Variants in TMEM131 observed in about 807,000 individuals in gnomAD.
TMEM131 encodes transmembrane protein 131.
TMEM131 carries 66 observed loss-of-function variants against 211.6 expected under a neutral mutation model. That is an observed-to-expected ratio of 0.31 (90% confidence interval 0.26 to 0.38). The LOEUF (loss-of-function observed/expected upper bound fraction) is 0.38. Ranked by LOEUF, TMEM131 falls within the 10% of genes least tolerant of loss-of-function variation. The probability of loss-of-function intolerance (pLI) is 1.00; values close to 1 mark genes in which losing one functional copy is unlikely to be tolerated. For synonymous variants in TMEM131, 844 were observed against 841.3 expected (o/e 1.00, Z -0.06); for missense variants, 2,036 against 2,299.3 (o/e 0.89, Z 2.34).
chr2:97,969,629 G>A (rs1305981414), intron 1 of TMEM131, among the ~76,000 whole-genome samples: 2 of 151,516 alleles, frequency 1.3e-5, no homozygotes, highest in African/African-American at 4.9e-5. Context: ...TCTGCTATGA[G>A]TCAAAAACAT....
intron 2 of TMEM131, among the ~76,000 whole-genome samples, chr2:97,915,745 A>C (rs1041123320): frequency 6.6e-6 from 1 of 152,118 alleles, no homozygotes; most frequent in East Asian, 1.9e-4. Context: ...TGTAAGCTGA[A>C]GCTTTCCTCT....
At chr2:97,767,860 A>G (rs549993561) in intron 33 of TMEM131, among the ~76,000 whole-genome samples, 53 of 152,158 alleles carry the variant, frequency 3.5e-4, no homozygotes, top group Non-Finnish European at 7.5e-4. Flanking sequence ...AGTACATTTC[A>G]GCTAGGTTCT....
chr2:97,756,576 C>T lies in TMEM131; in HGVS notation c.*523G>A, dbSNP rs1044659924. 2.6e-5 allele frequency: 4 copies of T among 152,250 alleles called. No individual in the cohort carries two copies. The highest frequency in any genetic ancestry group is 5.9e-5 in the Non-Finnish European group (4 of 68,096). 9.4% of individuals were successfully genotyped at this position (152,250 alleles called of 1,614,324 possible). A position where few individuals can be genotyped will look rare whatever the true frequency, so the allele number is the denominator to read the frequency against. On this transcript the variant is annotated 3_prime_UTR_variant, in exon 41 of 41. Coordinates refer to ENST00000186436, the MANE Select transcript of TMEM131 (RefSeq NM_015348.2). Reference sequence around the variant, plus strand: ...AGTTGACTTACATTTCTGTAATCTGCTTTTAAACCAAGACAGCCTTACTTT... The same window carrying T: ...AGTTGACTTACATTTCTGTAATCTGTTTTTAAACCAAGACAGCCTTACTTT...
chr2:97,876,229 G>A (rs908839199), intron 4 of TMEM131, among the ~76,000 whole-genome samples: 6 of 151,926 alleles, frequency 3.9e-5, no homozygotes, highest in Non-Finnish European at 7.4e-5. Context: ...CCTACCAACC[G>A]AAAAAGTCCA....
rs531145923 is a variant in TMEM131, at chr2:97,780,681, A to C, written c.4145-4663T>G. Reference sequence around the variant, plus strand: ...ATAATTATTATTTGCCAATTAAAAAAACAGAATTCAGAGGGAGACTGTCCT... The same window carrying C: ...ATAATTATTATTTGCCAATTAAAAACACAGAATTCAGAGGGAGACTGTCCT... On this transcript the variant is annotated intron_variant, in intron 31 of 40. Coordinates refer to ENST00000186436, the MANE Select transcript of TMEM131 (RefSeq NM_015348.2). Among the ~76,000 whole-genome samples, 83 of 152,310 alleles carry C rather than the reference A, an allele frequency of 5.4e-4. 1 individual carries two copies. Among genetic ancestry groups the C allele is most frequent in the Admixed American group, 5.3e-3 (81 of 15,304 alleles).
rs776131923 is a variant in TMEM131 at position 97,813,992 on chromosome 2, C to T, written c.1596G>A (p.Arg532=). 1 of 1,596,330 alleles carries T rather than the reference C, an allele frequency of 6.3e-7. No individual in the cohort carries two copies. Among genetic ancestry groups the T allele is most frequent in the Non-Finnish European group, 8.5e-7 (1 of 1,170,370 alleles). Residue 532 remains arginine, a synonymous_variant, in exon 15 of 41, where the codon CGG becomes CGA. Coordinates refer to ENST00000186436, the MANE Select transcript of TMEM131 (RefSeq NM_015348.2). ...TTACATCTAAAAAGCCTGTGTATAC[C>T]CGCACGGGTAAATGAAATTTAGAAG... The part of the protein sequence containing the change: ...TNASKFHLPV[R]VYTGFLDYFV...
chr2:97,929,977 G>C (rs745886931), intron 1 of TMEM131, among the ~76,000 whole-genome samples: 1 of 151,660 alleles, frequency 6.6e-6, no homozygotes, highest in African/African-American at 2.4e-5. Flanking sequence ...TACAATAAAG[G>C]ACTATGAATA....
intron 11 of TMEM131, among the ~76,000 whole-genome samples, chr2:97,831,670 T>A (rs1401219285): frequency 9.1e-6 from 1 of 109,642 alleles, no homozygotes; most frequent in East Asian, 2.0e-4. Flanking sequence ...ACCTCTTTTT[T>A]TTTTTTTTTT....
intron 13 of TMEM131, 96 bp downstream of exon 13, chr2:97,815,103 G>T: frequency 1.7e-6 from 1 of 576,772 alleles, no homozygotes; most frequent in Non-Finnish European, 2.7e-6. Context: ...TCAAGTTTAT[G>T]TGAACGTGGC....
chr2:97,859,322 T>C lies in TMEM131; in HGVS notation c.465A>G (p.Ala155=). 6.3e-7 allele frequency: 1 copy of C among 1,596,090 alleles called. No homozygotes were observed. Among genetic ancestry groups the C allele is most frequent in the Non-Finnish European group, 8.5e-7 (1 of 1,174,948 alleles). ...SISATTSHFH[A]SFFQNRKILP... ...AACTTACCCTATTTTGAAAAAATGA[T>C]GCATGAAAATGTGATGTTGTAGCAG... is the stretch of plus-strand genomic sequence containing the variant. Residue 155 remains alanine (A), a synonymous_variant, in exon 5 of 41, where the codon GCA becomes GCG. Coordinates refer to ENST00000186436, the MANE Select transcript of TMEM131 (RefSeq NM_015348.2).
rs148664632 is a variant in TMEM131 at position 97,875,372 on chromosome 2, T to C, written c.359+12680A>G. Among the ~76,000 whole-genome samples, 21 of 152,292 alleles carry C rather than the reference T, an allele frequency of 1.4e-4. No individual in the cohort carries two copies. The East Asian group carries it at 1.7e-3, about 13-fold the overall frequency. On this transcript the variant is annotated intron_variant, in intron 4 of 40. Transcript: ENST00000186436. Reference sequence around the variant, plus strand: ...TCAGCTCTGGACCAAGCAAACCTAATAGACATCTACAGAACTCTCCACCCC... The same window carrying C: ...TCAGCTCTGGACCAAGCAAACCTAACAGACATCTACAGAACTCTCCACCCC...
At chr2:97,818,589 A>G (rs1318153537) in intron 12 of TMEM131, 24 bp downstream of exon 12, 4 of 1,435,684 alleles carry the variant, frequency 2.8e-6, no homozygotes, top group Non-Finnish European at 3.9e-6. Context: ...TCACTCTATC[A>G]GAGAGAAAAT....
intron 4 of TMEM131, 88 bp from the exon 5 acceptor site, chr2:97,859,515 A>G: frequency 9.0e-7 from 1 of 1,113,584 alleles, no homozygotes; most frequent in Non-Finnish European, 1.2e-6. Flanking sequence ...AAATTGTTAG[A>G]CAAATACATA....
chr2:97,869,934 C>A (rs555455943), intron 4 of TMEM131, among the ~76,000 whole-genome samples: 1 of 152,190 alleles, frequency 6.6e-6, no homozygotes, highest in Non-Finnish European at 1.5e-5. Flanking sequence ...CAAGATGTGT[C>A]CTCATCTGAA....
chr2:97,921,460 TAAA>T (rs1364501917), intron 2 of TMEM131, among the ~76,000 whole-genome samples: 1 of 151,976 alleles, frequency 6.6e-6, no homozygotes, highest in East Asian at 1.9e-4. Context: ...AGACACAAAA[TAAA>T]AAAGTATTAA....
chr2:97,886,187 G>C (rs1307881674), intron 4 of TMEM131, among the ~76,000 whole-genome samples: 1 of 152,018 alleles, frequency 6.6e-6, no homozygotes, highest in African/African-American at 2.4e-5. Flanking sequence ...TGATTTTGCT[G>C]AACTGTAAGT....
intron 1 of TMEM131, among the ~76,000 whole-genome samples, chr2:97,988,675 C>A (rs573643293): frequency 6.6e-6 from 1 of 152,198 alleles, no homozygotes; most frequent in Non-Finnish European, 1.5e-5. Flanking sequence ...AAAAGACGCT[C>A]AATATCATTA....
At position 97,759,072 on chromosome 2, in the gene TMEM131, T is replaced by A; in HGVS notation, c.5207-19A>T. 1 of 1,613,918 alleles carries A rather than the reference T, an allele frequency of 6.2e-7. No homozygotes were observed. The highest frequency in any genetic ancestry group is 8.5e-7 in the Non-Finnish European group (1 of 1,179,806). On this transcript the variant is annotated intron_variant, in intron 39 of 40. Transcript: ENST00000186436. ...AAAACTTCTGGAAATAAAGCAACAGTCATCAAGTCCATATTTGGTTTTGCC... is the reference window on the plus strand; with the variant it reads ...AAAACTTCTGGAAATAAAGCAACAGACATCAAGTCCATATTTGGTTTTGCC...
chr2:97,869,633 G>A (rs762786294), intron 4 of TMEM131, among the ~76,000 whole-genome samples: 9 of 152,180 alleles, frequency 5.9e-5, no homozygotes, highest in Non-Finnish European at 1.0e-4. Context: ...CCACACCACA[G>A]GAAGCAAAGG....
Sources: gnomAD v4.1 joint callset for allele counts (sites outside exome capture counted in the v4.1 genomes callset) on GRCh38, gnomAD v4.1.1 for gene constraint, MANE v1.5 for transcripts, NCBI Gene and HGNC (gene_info 2026-07-23, HGNC 2026-07-21) for gene names.